MLLT10: variants seen among roughly 807,000 people sequenced by gnomAD.
MLLT10 encodes protein AF-10.
In MLLT10, 30 loss-of-function variants were observed where a neutral mutation model predicts 129.1. That is an observed-to-expected ratio of 0.23 (90% CI 0.17 to 0.32). The LOEUF is 0.32. Among genes scored for constraint, MLLT10 ranks in the 10% least tolerant of loss-of-function variants. MLLT10 has a pLI of 1.00. For missense variants in MLLT10, 1,119 were observed against 1,268.3 expected (o/e 0.88, Z 1.79); for synonymous variants, 490 against 446.4 (o/e 1.10, Z -1.23).
At chr10:21,585,657 C>G (rs1389010612) in intron 3 of MLLT10, among the ~76,000 whole-genome samples, 1 of 152,200 alleles carries the variant, frequency 6.6e-6, no homozygotes, top group Non-Finnish European at 1.5e-5. Flanking sequence ...TTGCCCCATT[C>G]CTGTGTTGAG....
intron 15 of MLLT10, among the ~76,000 whole-genome samples, chr10:21,727,565 G>A (rs769669914): frequency 6.6e-6 from 1 of 152,136 alleles, no homozygotes; most frequent in Non-Finnish European, 1.5e-5. Context: ...GTGGCTGAGG[G>A]GAGGGTACAG....
chr10:21,541,287 T>C (rs1229728458), intron 3 of MLLT10: 1 of 152,212 alleles, frequency 6.6e-6, no homozygotes, highest in Non-Finnish European at 1.5e-5. Context: ...GCGCAATCAT[T>C]GCTCACTGCA....
At chr10:21,538,534 T>G (rs1361688876) in intron 2 of MLLT10, among the ~76,000 whole-genome samples, 1 of 152,064 alleles carries the variant, frequency 6.6e-6, no homozygotes, top group Non-Finnish European at 1.5e-5. Context: ...CTGGAACTCC[T>G]GGGCTCCAGC....
Position 21,733,806 on chromosome 10 carries a change from A to C in MLLT10, c.2535A>C (p.Ser845=). Residue 845 remains serine, a synonymous_variant, in exon 20 of 23, where the codon TCA becomes TCC. Transcript: ENST00000307729. ...TSSGQSTSSS[S]ALSTPPPAGQ... ...GTGGACAAAGTACCAGCAGCTCATCAGCTCTTTCTACCCCACCTCCTGCTG... is the reference window on the plus strand; with the variant it reads ...GTGGACAAAGTACCAGCAGCTCATCCGCTCTTTCTACCCCACCTCCTGCTG... 1 of 1,614,008 alleles carries C rather than the reference A, an allele frequency of 6.2e-7. No individual in the cohort carries two copies. The highest frequency in any genetic ancestry group is 8.5e-7 in the Non-Finnish European group (1 of 1,179,986).
chr10:21,639,730 G>A (rs190993142), intron 8 of MLLT10, among the ~76,000 whole-genome samples: 1 of 152,214 alleles, frequency 6.6e-6, no homozygotes, highest in East Asian at 1.9e-4. Context: ...ACGCTTCTTG[G>A]CCTCTCTGTG....
At chr10:21,578,613 C>T (rs1200181369) in intron 3 of MLLT10, among the ~76,000 whole-genome samples, 1 of 152,080 alleles carries the variant, frequency 6.6e-6, no homozygotes, top group Non-Finnish European at 1.5e-5. Flanking sequence ...ATCTGCGATT[C>T]ACTTTTGAAT....
At chr10:21,611,104 C>G (rs2044601118) in intron 5 of MLLT10, among the ~76,000 whole-genome samples, 1 of 148,268 alleles carries the variant, frequency 6.7e-6, no homozygotes, top group Non-Finnish European at 1.5e-5. Flanking sequence ...TCAAGCGACT[C>G]TCCTGCCTCA....
At chr10:21,620,636 C>T (rs923659853) in intron 8 of MLLT10, among the ~76,000 whole-genome samples, 2 of 152,008 alleles carry the variant, frequency 1.3e-5, no homozygotes. Flanking sequence ...CTTTTATCTG[C>T]CTTCATTCTG....
chr10:21,542,488 C>G (rs1439252826), intron 3 of MLLT10, among the ~76,000 whole-genome samples: 2 of 152,236 alleles, frequency 1.3e-5, no homozygotes, highest in Admixed American at 1.3e-4. Context: ...GAGATCCGCC[C>G]GAACCCGGGA....
chr10:21,728,597 CGTTCTCTTTGTTTTCTCCAT>C (rs2057701762), intron 16 of MLLT10, among the ~76,000 whole-genome samples: 1 of 152,184 alleles, frequency 6.6e-6, no homozygotes, highest in Admixed American at 6.5e-5. Flanking sequence ...CCCTTCTGTG[CGTTCTCTTTGTTTTCTCCAT>C]GTTCTCTAAT....
intron 5 of MLLT10, among the ~76,000 whole-genome samples, chr10:21,606,337 C>T (rs1402279392): frequency 6.6e-6 from 1 of 152,204 alleles, no homozygotes; most frequent in Non-Finnish European, 1.5e-5. Flanking sequence ...AACATCCATC[C>T]TGCAGTCTGT....
intron 3 of MLLT10, chr10:21,541,160 CAAAA>C (rs934245734): frequency 2.0e-5 from 3 of 151,516 alleles, no homozygotes; most frequent in African/African-American, 7.3e-5. Flanking sequence ...ACTCGTCTCA[CAAAA>C]AAAGAAAGAA....
chr10:21,546,852 C>T (rs2036161256), intron 3 of MLLT10, among the ~76,000 whole-genome samples: 1 of 152,036 alleles, frequency 6.6e-6, no homozygotes, highest in East Asian at 1.9e-4. Context: ...CTCAGCCTCC[C>T]AAGTAGCTGG....
intron 8 of MLLT10, among the ~76,000 whole-genome samples, chr10:21,641,989 G>A (rs1021123777): frequency 6.6e-6 from 1 of 152,154 alleles, no homozygotes; most frequent in Non-Finnish European, 1.5e-5. Context: ...TGAGGATCAT[G>A]GTCTAACACT....
intron 8 of MLLT10, among the ~76,000 whole-genome samples, chr10:21,620,757 C>T (rs528280542): frequency 4.3e-4 from 65 of 152,108 alleles, no homozygotes; most frequent in Admixed American, 7.2e-4. Context: ...GTGGCTCGAT[C>T]TTGGCTCCCT....
Position 21,742,344 on chromosome 10 carries a change from A to G in MLLT10, c.*361A>G, listed in dbSNP as rs1174052571. Reference sequence around the variant, plus strand: ...AATTGGAGATGCAAATAGCAAAACTAAATACTTGCTCCATTTACAAACTAC... The same window carrying G: ...AATTGGAGATGCAAATAGCAAAACTGAATACTTGCTCCATTTACAAACTAC... On this transcript the variant is annotated 3_prime_UTR_variant, in exon 23 of 23. Transcript: ENST00000307729. The G allele has an allele frequency of 4.0e-6, 1 of 252,128 alleles. No individual in the cohort carries two copies. Among genetic ancestry groups the G allele is most frequent in the Admixed American group, 5.4e-5 (1 of 18,366 alleles). 15.6% of individuals were successfully genotyped at this position (252,128 alleles called of 1,614,324 possible). A position where few individuals can be genotyped will look rare whatever the true frequency, so the allele number is the denominator to read the frequency against.
intron 11 of MLLT10, among the ~76,000 whole-genome samples, chr10:21,674,399 T>C (rs1272588840): frequency 6.6e-6 from 1 of 152,154 alleles, no homozygotes; most frequent in East Asian, 1.9e-4. Flanking sequence ...TCCTGAGACA[T>C]TTTTATATCA....
At chr10:21,617,386 G>T (rs983362152) in intron 8 of MLLT10, among the ~76,000 whole-genome samples, 179 bp downstream of exon 8, 1 of 152,038 alleles carries the variant, frequency 6.6e-6, no homozygotes, top group Non-Finnish European at 1.5e-5. Flanking sequence ...TGTGAATATG[G>T]TTTTACCCAT....
chr10:21,668,910 T>C lies in MLLT10; in HGVS notation c.796-1539T>C, dbSNP rs568613867. 148 of 1,223,000 alleles carry C rather than the reference T, an allele frequency of 1.2e-4. No individual in the cohort carries two copies. In the African/African-American group the frequency reaches 2.2e-3, roughly 18 times the overall value. 75.8% of individuals were successfully genotyped at this position (1,223,000 alleles called of 1,614,324 possible). ...TGTTTTCTTAGATGACTTTTAAACT[T>C]CACTAGGTCATGCAAGGATCAGATG... On this transcript the variant is annotated intron_variant, in intron 9 of 22. Transcript: ENST00000307729.
Sources: gnomAD v4.1 joint callset for allele counts (sites outside exome capture counted in the v4.1 genomes callset) on GRCh38, gnomAD v4.1.1 for gene constraint, MANE v1.5 for transcripts, NCBI Gene and HGNC (gene_info 2026-07-23, HGNC 2026-07-21) for gene names.